DENND5B: variants seen among roughly 807,000 people sequenced by gnomAD.
The protein encoded by DENND5B is DENN domain-containing protein 5B.
Under a neutral mutation model 140.6 loss-of-function variants are expected in DENND5B, and 34 were observed. The observed-to-expected ratio is 0.24, with a 90% CI of 0.18 to 0.32. The LOEUF (loss-of-function observed/expected upper bound fraction) is 0.32, where lower values mean the gene tolerates loss of function less well. Ranked by LOEUF, DENND5B falls within the 10% of genes least tolerant of loss-of-function variation. The pLI, the probability that DENND5B is intolerant of heterozygous loss-of-function variation, is 1.00. For missense variants in DENND5B, 1,142 were observed against 1,560.2 expected (o/e 0.73, Z 4.52); for synonymous variants, 551 against 562.1 (o/e 0.98, Z 0.28).
At chr12:31,452,935 A>C (rs1565593438) in intron 4 of DENND5B, among the ~76,000 whole-genome samples, 1 of 152,144 alleles carries the variant, frequency 6.6e-6, no homozygotes, top group Non-Finnish European at 1.5e-5. Flanking sequence ...GACTCATAAG[A>C]CCTTACAAAT....
chr12:31,582,164 G>T (rs1031104863), intron 1 of DENND5B, among the ~76,000 whole-genome samples: 9 of 152,138 alleles, frequency 5.9e-5, no homozygotes, highest in African/African-American at 1.9e-4. Context: ...TCGTCCTCTT[G>T]TTCTATGACA....
intron 1 of DENND5B, among the ~76,000 whole-genome samples, chr12:31,531,456 A>G (rs1164660275): frequency 7.9e-5 from 12 of 152,222 alleles, no homozygotes; most frequent in Admixed American, 4.6e-4. Flanking sequence ...TCAGCCTCCC[A>G]AAGTGCTGGG....
chr12:31,588,321 C>A (rs1358272646), intron 1 of DENND5B, among the ~76,000 whole-genome samples: 1 of 152,200 alleles, frequency 6.6e-6, no homozygotes, highest in Non-Finnish European at 1.5e-5. Context: ...CACCACTCTG[C>A]TGGCATGTCC....
chr12:31,389,583 C>G, intron 19 of DENND5B, 85 bp from the exon 20 acceptor site: 1 of 1,320,452 alleles, frequency 7.6e-7, no homozygotes, highest in Non-Finnish European at 1.0e-6. Flanking sequence ...ATTATGGAAA[C>G]ACTAACGATG....
intron 1 of DENND5B, among the ~76,000 whole-genome samples, chr12:31,550,664 A>G (rs932483226): frequency 1.2e-4 from 18 of 152,324 alleles, no homozygotes; most frequent in Non-Finnish European, 1.9e-4. Flanking sequence ...TGGTTGAACT[A>G]GTTTACAGTC....
At chr12:31,449,305 T>C (rs1944406423) in intron 5 of DENND5B, among the ~76,000 whole-genome samples, 1 of 152,250 alleles carries the variant, frequency 6.6e-6, no homozygotes, top group Non-Finnish European at 1.5e-5. Flanking sequence ...TCACTTTAAG[T>C]AGTTCCATAG....
chr12:31,587,611 G>A (rs1418462376), intron 1 of DENND5B, among the ~76,000 whole-genome samples: 4 of 121,648 alleles, frequency 3.3e-5, no homozygotes, highest in Non-Finnish European at 6.3e-5. Flanking sequence ...GCAGTGGCAC[G>A]ATCTCAGCTC....
chr12:31,424,269 G>A (rs1331810677), intron 10 of DENND5B, among the ~76,000 whole-genome samples: 1 of 152,022 alleles, frequency 6.6e-6, no homozygotes, highest in East Asian at 1.9e-4. Context: ...AGTGACAAAG[G>A]CAAACATTTA....
At chr12:31,466,491 G>A (rs756017939) in intron 3 of DENND5B, among the ~76,000 whole-genome samples, 15 of 151,930 alleles carry the variant, frequency 9.9e-5, no homozygotes, top group Non-Finnish European at 1.9e-4. Context: ...TTAGGAGTTC[G>A]AGACCAGCCT....
At chr12:31,575,754 G>C (rs980057643) in intron 1 of DENND5B, among the ~76,000 whole-genome samples, 2 of 151,970 alleles carry the variant, frequency 1.3e-5, no homozygotes, top group Admixed American at 1.3e-4. Context: ...AGGAGTTCGA[G>C]ACAGCCTGGG....
intron 7 of DENND5B, among the ~76,000 whole-genome samples, chr12:31,435,101 C>T (rs2137869672): frequency 6.6e-6 from 1 of 152,228 alleles, no homozygotes; most frequent in Non-Finnish European, 1.5e-5. Context: ...CCCACCAGAG[C>T]CCCAAACCCC....
intron 6 of DENND5B, among the ~76,000 whole-genome samples, chr12:31,444,918 A>G (rs531971510): frequency 5.3e-5 from 8 of 152,340 alleles, no homozygotes; most frequent in African/African-American, 1.9e-4. Flanking sequence ...TTCTATGGTT[A>G]CATAAAAGAC....
At chr12:31,443,458 T>C (rs1565583369) in intron 6 of DENND5B, among the ~76,000 whole-genome samples, 3 of 152,192 alleles carry the variant, frequency 2.0e-5, no homozygotes, top group Non-Finnish European at 4.4e-5. Context: ...ATTGGATGAT[T>C]AATTTTCATG....
At chr12:31,486,881 C>T (rs1291435386) in intron 2 of DENND5B, among the ~76,000 whole-genome samples, 1 of 152,206 alleles carries the variant, frequency 6.6e-6, no homozygotes, top group African/African-American at 2.4e-5. Context: ...TAAAGTCTTG[C>T]ACCACTGTAA....
intron 4 of DENND5B, among the ~76,000 whole-genome samples, chr12:31,454,366 T>C (rs1318631526): frequency 2.0e-5 from 3 of 152,184 alleles, no homozygotes; most frequent in Admixed American, 6.5e-5. Context: ...TCACCTCCAA[T>C]GTCAGCAGTT....
chr12:31,560,314 G>GA (rs958536215), intron 1 of DENND5B, among the ~76,000 whole-genome samples: 1 of 152,138 alleles, frequency 6.6e-6, no homozygotes, highest in Non-Finnish European at 1.5e-5. Flanking sequence ...TCAACTTACT[G>GA]AAGTTTAAAA....
intron 1 of DENND5B, among the ~76,000 whole-genome samples, chr12:31,501,247 T>C (rs923502808): frequency 2.0e-5 from 3 of 152,176 alleles, no homozygotes; most frequent in East Asian, 1.9e-4. Flanking sequence ...CTGATGGTTT[T>C]ATAAGGGGCT....
At chr12:31,578,126 C>CAAAAAA (rs5797421) in intron 1 of DENND5B, among the ~76,000 whole-genome samples, 4 of 77,300 alleles carry the variant, frequency 5.2e-5, no homozygotes, top group Non-Finnish European at 9.6e-5. Context: ...GACGCTGTCT[C>CAAAAAA]AAAAAAAAAA....
At chr12:31,436,653 G>C (rs1408691799) in intron 7 of DENND5B, among the ~76,000 whole-genome samples, 1 of 151,964 alleles carries the variant, frequency 6.6e-6, no homozygotes, top group African/African-American at 2.4e-5. Flanking sequence ...TCCTGCCTCA[G>C]CCTTCCAAGC....
Sources: allele counts gnomAD v4.1 joint callset (sites outside exome capture counted in the v4.1 genomes callset), GRCh38; gene constraint gnomAD v4.1.1; transcripts MANE v1.5; gene names NCBI Gene and HGNC (gene_info 2026-07-23, HGNC 2026-07-21).